SPNS2: variants seen among roughly 807,000 people sequenced by gnomAD.
SPNS2 encodes sphingosine-1-phosphate transporter SPNS2.
In SPNS2, 37 loss-of-function variants were observed where a neutral mutation model predicts 57.6. The ratio of observed to expected loss-of-function variants is 0.64; its 90% CI spans 0.49 to 0.85. The LOEUF is 0.85. Ranked by LOEUF, SPNS2 falls within the 40% of genes least tolerant of loss-of-function variation. The probability of loss-of-function intolerance (pLI) is 0.00; values close to 1 mark genes in which losing one functional copy is unlikely to be tolerated. For missense variants in SPNS2, 831 were observed against 779.1 expected, an observed-to-expected ratio of 1.07 and a Z score of -0.79; for synonymous variants, 440 against 346.9, an observed-to-expected ratio of 1.27 and a Z score of -2.98.
At chr17:4,529,382 A>T (rs186685183) in intron 3 of SPNS2, among the ~76,000 whole-genome samples, 5 of 151,528 alleles carry the variant, frequency 3.3e-5, no homozygotes, top group Non-Finnish European at 7.4e-5. Context: ...GCCCAGCCTC[A>T]TGTTTGTTCT....
chr17:4,533,215 C>A, intron 7 of SPNS2, 28 bp from the exon 8 acceptor site: 7 of 1,582,376 alleles, frequency 4.4e-6, no homozygotes, highest in Non-Finnish European at 5.2e-6. Flanking sequence ...CGCCTCAACT[C>A]GTGCGCCACC....
chr17:4,533,075 T>A lies in SPNS2; in HGVS notation c.1034T>A (p.Val345Asp). ...CCGCTCTACCTGCACCGCGCCCAAGTTGTGCAGAAGACAGCAGAGACGTGC... is the reference window on the plus strand; with the variant it reads ...CCGCTCTACCTGCACCGCGCCCAAGATGTGCAGAAGACAGCAGAGACGTGC... ...WIPLYLHRAQ[V>D]VQKTAETCNS... The change falls in exon 7 of 13, where the codon GTT becomes GAT. Residue 345 changes from valine (V) to aspartate (D), a missense_variant. Physicochemically the swap from Val to Asp is radical, Grantham distance 152. Coordinates refer to ENST00000329078, the MANE Select transcript of SPNS2 (RefSeq NM_001124758.3). The A allele has an allele frequency of 1.9e-6, 3 of 1,613,252 alleles. No individual in the cohort carries two copies. The highest frequency in any genetic ancestry group is 2.5e-6 in the Non-Finnish European group (3 of 1,179,898).
chr17:4,532,237 CTCTA>C (rs1318328586), intron 5 of SPNS2, among the ~76,000 whole-genome samples: 2 of 152,290 alleles, frequency 1.3e-5, no homozygotes, highest in African/African-American at 2.4e-5. Flanking sequence ...GCCATCTCTT[CTCTA>C]TCTATCCACC....
Position 4,512,806 on chromosome 17 carries a change from G to GC in SPNS2, c.371-440dup, listed in dbSNP as rs1340192069. Among the ~76,000 whole-genome samples, 2 of 151,384 alleles carry GC rather than the reference G, an allele frequency of 1.3e-5. No homozygotes were observed. Among genetic ancestry groups the GC allele is most frequent in the African/African-American group, 4.8e-5 (2 of 41,412 alleles). ...CACATGTGCAGGTGAACCAGAGTGA[G>GC]CGGCTGCCCCTCCCAGGCCAGAGGG... On this transcript the variant is annotated intron_variant, in intron 1 of 12. Transcript: ENST00000329078. This position sits in a 1 kb window ranked among gnomAD's most constrained non-coding sequence, Gnocchi z 5.2.
At position 4,512,887 on chromosome 17, in the gene SPNS2, C is replaced by G. The variant is rs1203564465; in HGVS notation, c.371-360C>G. ...CTCTGAGTCATGGGCTTTGTGTTCC[C>G]CCTGAGGGAAAGGCCTATGTCTATT... On this transcript the variant is annotated intron_variant, in intron 1 of 12. Transcript: ENST00000329078. This position sits in a 1 kb window ranked among gnomAD's most constrained non-coding sequence, Gnocchi z 5.2. 6.6e-6 allele frequency among the ~76,000 whole-genome samples: 1 copy of G among 152,186 alleles called. No individual in the cohort carries two copies. Among genetic ancestry groups the G allele is most frequent in the East Asian group, 1.9e-4 (1 of 5,174 alleles).
At chr17:4,528,075 T>A (rs998496309) in intron 3 of SPNS2, among the ~76,000 whole-genome samples, 1 of 151,688 alleles carries the variant, frequency 6.6e-6, no homozygotes, top group African/African-American at 2.4e-5. Context: ...CAGGCTGGAG[T>A]GCAATGGCAC....
chr17:4,534,780 G>A (rs193045155), intron 9 of SPNS2, among the ~76,000 whole-genome samples: 436 of 151,376 alleles, frequency 2.9e-3, no homozygotes, highest in Non-Finnish European at 4.6e-3. Context: ...CGGTGGCAGG[G>A]GTGCGCCAGG....
intron 9 of SPNS2, 40 bp from the exon 10 acceptor site, chr17:4,536,036 C>T: frequency 6.3e-7 from 1 of 1,583,544 alleles, no homozygotes; most frequent in Non-Finnish European, 8.6e-7. Flanking sequence ...GCGCGTGAGC[C>T]TTTCTCCTCT....
At chr17:4,516,328 A>AAC (rs1904989072) in intron 2 of SPNS2, among the ~76,000 whole-genome samples, 2 of 119,266 alleles carry the variant, frequency 1.7e-5, no homozygotes, top group African/African-American at 3.2e-5. Flanking sequence ...AAAAAAAAAA[A>AAC]AAAAAAAAAA....
rs757131346 is a variant in SPNS2 at position 4,533,052 on chromosome 17, G to A, written c.1011G>A (p.Pro337=). The part of the protein sequence containing the change: ...FATGALGMWI[P]LYLHRAQVVQ... ...CGGGGGCCCTGGGCATGTGGATCCC[G>A]CTCTACCTGCACCGCGCCCAAGTTG... Residue 337 remains proline (P), a synonymous_variant, in exon 7 of 13, where the codon CCG becomes CCA. Coordinates refer to ENST00000329078, the MANE Select transcript of SPNS2 (RefSeq NM_001124758.3). The A allele has an allele frequency of 7.9e-5, 127 of 1,613,196 alleles. 1 individual carries two copies. Among genetic ancestry groups the A allele is most frequent in the Non-Finnish European group, 9.2e-5 (109 of 1,179,996 alleles).
chr17:4,501,469 G>A (rs764305332), intron 1 of SPNS2, among the ~76,000 whole-genome samples: 21 of 152,100 alleles, frequency 1.4e-4, no homozygotes, highest in Non-Finnish European at 2.5e-4. Context: ...TAAGAGGGGC[G>A]TGGGGCAGTT....
intron 1 of SPNS2, among the ~76,000 whole-genome samples, chr17:4,509,707 G>A (rs974501779): frequency 6.6e-6 from 1 of 152,246 alleles, no homozygotes; most frequent in Non-Finnish European, 1.5e-5. Context: ...GACCTCCTGG[G>A]GCTTGGGAGG....
At chr17:4,507,916 G>A (rs1238513128) in intron 1 of SPNS2, among the ~76,000 whole-genome samples, 1 of 152,230 alleles carries the variant, frequency 6.6e-6, no homozygotes, top group Non-Finnish European at 1.5e-5. Flanking sequence ...TTGGCCTTTC[G>A]AGGATTCTGT....
At position 4,533,858 on chromosome 17, in the gene SPNS2, G is replaced by T; in HGVS notation, c.1344+5G>T. On this transcript the variant is annotated splice_donor_5th_base_variant and intron_variant, in intron 9 of 12. Transcript: ENST00000329078. ...ATCACTGCAGACATCCTCATGGTGA[G>T]CCAGGCAGGCCGAGGTCACCTTGTG... The T allele has an allele frequency of 6.2e-7, 1 of 1,602,772 alleles. No individual in the cohort carries two copies. Among genetic ancestry groups the T allele is most frequent in the Non-Finnish European group, 8.5e-7 (1 of 1,173,884 alleles).
chr17:4,524,540 C>T (rs1351218922), intron 2 of SPNS2, among the ~76,000 whole-genome samples: 1 of 152,106 alleles, frequency 6.6e-6, no homozygotes, highest in Non-Finnish European at 1.5e-5. Flanking sequence ...AAGAATTAGC[C>T]AAGTGTGGTG....
chr17:4,501,009 C>A (rs1384732338), intron 1 of SPNS2, among the ~76,000 whole-genome samples: 3 of 152,170 alleles, frequency 2.0e-5, no homozygotes, highest in Non-Finnish European at 2.9e-5. Context: ...GGAGCATAAG[C>A]GCCATCCTTT....
chr17:4,524,201 A>T (rs1905210210), intron 2 of SPNS2, among the ~76,000 whole-genome samples: 1 of 152,112 alleles, frequency 6.6e-6, no homozygotes, highest in African/African-American at 2.4e-5. Flanking sequence ...TCACAAGTAG[A>T]ACAAGGGGTG....
intron 3 of SPNS2, among the ~76,000 whole-genome samples, chr17:4,526,157 G>T (rs774556890): frequency 6.6e-6 from 1 of 152,214 alleles, no homozygotes; most frequent in Admixed American, 6.5e-5. Flanking sequence ...AGAGACAACA[G>T]TCTCTTGAAA....
rs61399373 is a variant in SPNS2 at position 4,531,155 on chromosome 17, C to T, written c.792+36C>T. ...CGTCCCTTCCCATGAGGACACCCTC[C>T]GGTCCAGACCTCGCCCCAGGGTTGC... is the stretch of plus-strand genomic sequence containing the variant. On this transcript the variant is annotated intron_variant, in intron 5 of 12. Coordinates refer to ENST00000329078, the MANE Select transcript of SPNS2 (RefSeq NM_001124758.3). The T allele has an allele frequency of 0.012, 19,321 of 1,603,258 alleles. 251 individuals carry two copies. The highest frequency in any genetic ancestry group is 0.065 in the African/African-American group (4,866 of 74,820).
Sources: gnomAD v4.1 joint callset for allele counts (sites outside exome capture counted in the v4.1 genomes callset) on GRCh38, gnomAD v4.1.1 for gene constraint, Gnocchi (gnomAD v3.1) non-coding constraint, MANE v1.5 for transcripts, NCBI Gene and HGNC (gene_info 2026-07-23, HGNC 2026-07-21) for gene names.